The following MED21 variants were observed in gnomAD, a reference collection of about 807,000 sequenced individuals.
MED21 encodes the protein mediator complex subunit 21, also known as mediator of RNA polymerase II transcription subunit 21.
Under a neutral mutation model 18.2 loss-of-function variants are expected in MED21, and 9 were observed. That is an observed-to-expected ratio of 0.49 (90% CI 0.30 to 0.86). The LOEUF is 0.86. Ranked by LOEUF, MED21 falls within the 40% of genes least tolerant of loss-of-function variation. MED21 has a pLI of 0.07. For synonymous variants in MED21, 73 were observed against 60.5 expected (o/e 1.21, Z -0.96); for missense variants, 150 against 170.9 (o/e 0.88, Z 0.68).
chr12:27,023,027 A>G (rs1226743290), intron 1 of MED21, among the ~76,000 whole-genome samples: 1 of 152,184 alleles, frequency 6.6e-6, no homozygotes. Flanking sequence ...TAATCCACCA[A>G]GGGAGATCTC....
chr12:27,030,411 T>C lies in MED21; in HGVS notation c.*1950T>C, dbSNP rs1234527913. 3 of 390,048 alleles carry C rather than the reference T, an allele frequency of 7.7e-6. No homozygotes were observed. Among genetic ancestry groups the C allele is most frequent in the Non-Finnish European group, 1.4e-5 (3 of 221,516 alleles). The allele number at this position is 390,048 out of a possible 1,614,324, so 24.2% of individuals were successfully genotyped here. A position where few individuals can be genotyped will look rare whatever the true frequency, so the allele number is the denominator to read the frequency against. On this transcript the variant is annotated 3_prime_UTR_variant, in exon 4 of 4. Coordinates refer to ENST00000282892, the MANE Select transcript of MED21 (RefSeq NM_004264.5). ...CAGTAGACTATAAGAAATTAAGTAT[T>C]TGTATCATCCCTAGAGCGACACAGA...
chr12:27,034,837 G>A (rs746723200), downstream of MED21, among the ~76,000 whole-genome samples: 7 of 152,010 alleles, frequency 4.6e-5, no homozygotes, highest in African/African-American at 7.3e-5. Context: ...TGCAACCTCC[G>A]TCTCCCGGGT....
At chr12:27,034,168 C>T (rs2136495892), downstream of MED21, among the ~76,000 whole-genome samples, 1 of 152,282 alleles carries the variant, frequency 6.6e-6, no homozygotes, top group Middle Eastern at 3.4e-3. Flanking sequence ...GTAGTCCCAG[C>T]ACTTTGGGAG....
rs1941592541 is a variant in MED21, at chr12:27,029,711, T to A, written c.*1250T>A. 2.0e-6 allele frequency: 2 copies of A among 984,798 alleles called. No homozygotes were observed. The highest frequency in any genetic ancestry group is 3.5e-5 in the African/African-American group (2 of 57,226). The allele number at this position is 984,798 out of a possible 1,614,324, so 61.0% of individuals were successfully genotyped here. A position where few individuals can be genotyped will look rare whatever the true frequency, so the allele number is the denominator to read the frequency against. ...TAGAAAATTTTTGAACTTTTAACTG[T>A]ATTTTAATTGATGTTTATTAAAAAC... On this transcript the variant is annotated 3_prime_UTR_variant, in exon 4 of 4. Coordinates refer to ENST00000282892, the MANE Select transcript of MED21 (RefSeq NM_004264.5).
At chr12:27,023,303 T>TTTTC (rs1463306427) in intron 1 of MED21, among the ~76,000 whole-genome samples, 3 of 143,018 alleles carry the variant, frequency 2.1e-5, no homozygotes, top group Middle Eastern at 3.3e-3. Flanking sequence ...TTCTTTTCTT[T>TTTTC]TTTTTTTTTT....
downstream of MED21, among the ~76,000 whole-genome samples, chr12:27,032,060 C>T (rs1037302196): frequency 6.6e-6 from 1 of 152,156 alleles, no homozygotes; most frequent in Non-Finnish European, 1.5e-5. Context: ...ATTCCCTGGT[C>T]CCTCTTTCTT....
chr12:27,030,262 T>C lies in MED21; in HGVS notation c.*1801T>C. 1 of 590,148 alleles carries C rather than the reference T, an allele frequency of 1.7e-6. No homozygotes were observed. Among genetic ancestry groups the C allele is most frequent in the Non-Finnish European group, 3.1e-6 (1 of 325,226 alleles). 36.6% of individuals were successfully genotyped at this position (590,148 alleles called of 1,614,324 possible). A position where few individuals can be genotyped will look rare whatever the true frequency, so the allele number is the denominator to read the frequency against. ...CTCCCACTTCAGCCTCTTCAGTAACTGGGACTACAGGCATGTACTACCACG... is the reference window on the plus strand; with the variant it reads ...CTCCCACTTCAGCCTCTTCAGTAACCGGGACTACAGGCATGTACTACCACG... On this transcript the variant is annotated 3_prime_UTR_variant, in exon 4 of 4. Coordinates refer to ENST00000282892, the MANE Select transcript of MED21 (RefSeq NM_004264.5).
downstream of MED21, among the ~76,000 whole-genome samples, chr12:27,035,693 GT>G (rs1379891857): frequency 2.2e-4 from 33 of 149,438 alleles, no homozygotes; most frequent in African/African-American, 7.7e-4. Flanking sequence ...GCGGTGTTTG[GT>G]TTTTTGTCCT....
Position 27,029,714 on chromosome 12 carries a change from T to C in MED21, c.*1253T>C. The stretch of plus-strand genomic sequence containing the variant: ...AAAATTTTTGAACTTTTAACTGTAT[T>C]TTAATTGATGTTTATTAAAAACACT... On this transcript the variant is annotated 3_prime_UTR_variant, in exon 4 of 4. Coordinates refer to ENST00000282892, the MANE Select transcript of MED21 (RefSeq NM_004264.5). 4 of 984,948 alleles carry C rather than the reference T, an allele frequency of 4.1e-6. No individual in the cohort carries two copies. The highest frequency in any genetic ancestry group is 4.8e-6 in the Non-Finnish European group (4 of 829,468). 61.0% of individuals were successfully genotyped at this position (984,948 alleles called of 1,614,324 possible).
rs972680885 is a variant in MED21 at position 27,030,239 on chromosome 12, C to T, written c.*1778C>T. 2.1e-5 allele frequency: 13 copies of T among 625,456 alleles called. No individual in the cohort carries two copies. Among genetic ancestry groups the T allele is most frequent in the Non-Finnish European group, 3.5e-5 (12 of 341,158 alleles). 38.7% of individuals were successfully genotyped at this position (625,456 alleles called of 1,614,324 possible). On this transcript the variant is annotated 3_prime_UTR_variant, in exon 4 of 4. Transcript: ENST00000282892. ...CTTCACCCTGGGTTCAGGTGATCCT[C>T]CCACTTCAGCCTCTTCAGTAACTGG...
At chr12:27,034,907 C>A (rs572017455), downstream of MED21, among the ~76,000 whole-genome samples, 9 of 152,120 alleles carry the variant, frequency 5.9e-5, no homozygotes, top group African/African-American at 2.2e-4. Context: ...CCTGTCACCA[C>A]GCCTGGCTAA....
downstream of MED21, among the ~76,000 whole-genome samples, chr12:27,032,538 C>G (rs1226535076): frequency 4.6e-5 from 7 of 152,328 alleles, no homozygotes; most frequent in East Asian, 1.3e-3. Context: ...GTCTCCCTGT[C>G]TCCTGCTTAT....
At chr12:27,025,478 C>G (rs1025076803) in intron 1 of MED21, among the ~76,000 whole-genome samples, 1 of 152,054 alleles carries the variant, frequency 6.6e-6, no homozygotes, top group Non-Finnish European at 1.5e-5. Context: ...ACCTGGTGAA[C>G]TGGAAAACAA....
At chr12:27,025,548 TAGAA>T (rs933003417) in intron 1 of MED21, among the ~76,000 whole-genome samples, 26 of 152,254 alleles carry the variant, frequency 1.7e-4, no homozygotes, top group Admixed American at 5.9e-4. Flanking sequence ...GCAACAGTGA[TAGAA>T]GGAAAAGAGA....
At chr12:27,035,364 T>G (rs192422757), downstream of MED21, among the ~76,000 whole-genome samples, 181 of 152,242 alleles carry the variant, frequency 1.2e-3, 1 homozygote, top group African/African-American at 4.1e-3. Context: ...TTGTCAAAAT[T>G]TTACAGTAAC....
chr12:27,027,406 A>G lies in MED21; in HGVS notation c.217A>G (p.Ile73Val). ...AACAGCAAAAGACATTGATGTTTTG[A>G]TAGATTCCTTACCCAGTGAAGAATC... ...ARTAKDIDVL[I>V]DSLPSEESTA... The change falls in exon 3 of 4, where the codon ATA becomes GTA. Residue 73 changes from isoleucine to valine, a missense_variant. Transcript: ENST00000282892. The G allele has an allele frequency of 6.2e-7, 1 of 1,613,824 alleles. No homozygotes were observed. The highest frequency in any genetic ancestry group is 2.2e-5 in the East Asian group (1 of 44,848).
intron 2 of MED21, chr12:27,037,168 T>C (rs12367644): frequency 1.4e-5 from 2 of 142,954 alleles, no homozygotes; most frequent in African/African-American, 4.9e-5. Flanking sequence ...CCCTTGTAAG[T>C]TGGATTCCTA....
intron 1 of MED21, among the ~76,000 whole-genome samples, chr12:27,023,215 A>T (rs1941496829): frequency 6.6e-6 from 1 of 151,536 alleles, no homozygotes; most frequent in Non-Finnish European, 1.5e-5. Context: ...CATCCCTCAG[A>T]ATACATCAGT....
At position 27,028,740 on chromosome 12, in the gene MED21, T is replaced by G. The variant is rs1467140554; in HGVS notation, c.*279T>G. ...TGAACATAATATAAGGAAACATATG[T>G]AAAATTCTGTTATGACATAATTTAT... On this transcript the variant is annotated 3_prime_UTR_variant, in exon 4 of 4. Coordinates refer to ENST00000282892, the MANE Select transcript of MED21 (RefSeq NM_004264.5). The G allele has an allele frequency of 2.8e-6, 3 of 1,064,258 alleles. No homozygotes were observed. Among genetic ancestry groups the G allele is most frequent in the Non-Finnish European group, 2.3e-6 (2 of 877,480 alleles). The allele number at this position is 1,064,258 out of a possible 1,614,324, so 65.9% of individuals were successfully genotyped here. A position where few individuals can be genotyped will look rare whatever the true frequency, so the allele number is the denominator to read the frequency against.
Sources: gnomAD v4.1 joint callset for allele counts (sites outside exome capture counted in the v4.1 genomes callset) on GRCh38, gnomAD v4.1.1 for gene constraint, MANE v1.5 for transcripts, NCBI Gene and HGNC (gene_info 2026-07-23, HGNC 2026-07-21) for gene names.